ERBB4: variants seen among roughly 807,000 people sequenced by gnomAD.
The protein encoded by ERBB4 is receptor tyrosine-protein kinase erbB-4.
ERBB4 carries 42 observed loss-of-function variants against 158.0 expected under a neutral mutation model. That is an observed-to-expected ratio of 0.27 (90% CI 0.21 to 0.34). ERBB4 has a LOEUF of 0.34. Among genes scored for constraint, ERBB4 ranks in the 10% least tolerant of loss-of-function variants. The pLI, the probability that ERBB4 is intolerant of heterozygous loss-of-function variation, is 1.00. For missense variants in ERBB4, 1,333 were observed against 1,624.1 expected (o/e 0.82, Z 3.08); for synonymous variants, 583 against 558.7 (o/e 1.04, Z -0.61).
At chr2:212,367,315 C>A (rs953377771) in intron 1 of ERBB4, among the ~76,000 whole-genome samples, 4 of 151,936 alleles carry the variant, frequency 2.6e-5, no homozygotes, top group Admixed American at 6.6e-5. Flanking sequence ...GGTGTCCAAG[C>A]AAACAAAAAC....
intron 20 of ERBB4, among the ~76,000 whole-genome samples, chr2:211,466,394 ATGAGT>A (rs1356238143): frequency 6.7e-6 from 1 of 150,122 alleles, no homozygotes; most frequent in Admixed American, 6.6e-5. Flanking sequence ...TGAAATATGA[ATGAGT>A]TATCTTTTCC....
chr2:211,794,471 A>G (rs919907752), intron 3 of ERBB4, among the ~76,000 whole-genome samples: 9 of 151,994 alleles, frequency 5.9e-5, no homozygotes, highest in African/African-American at 2.2e-4. Context: ...AGTGCCAAAG[A>G]AAGTGTCAAG....
intron 20 of ERBB4, among the ~76,000 whole-genome samples, chr2:211,466,414 T>C (rs1453797996): frequency 2.0e-5 from 3 of 151,636 alleles, no homozygotes; most frequent in African/African-American, 7.3e-5. Flanking sequence ...TTTTCCAAAT[T>C]TGTAGTTAAC....
Position 212,388,061 on chromosome 2 carries a change from GA to G in ERBB4, c.82+150387del, listed in dbSNP as rs2090736787. On this transcript the variant is annotated intron_variant, in intron 1 of 27. Transcript: ENST00000342788. Reference sequence around the variant, plus strand: ...ATACCTTCTTGAATATGCCGTTAGAGAGAATATAATGCTTCTATATAGATCC... The same window carrying G: ...ATACCTTCTTGAATATGCCGTTAGAGGAATATAATGCTTCTATATAGATCC... 7.2e-5 allele frequency among the ~76,000 whole-genome samples: 11 copies of G among 152,168 alleles called. No individual in the cohort carries two copies. The South Asian group carries it at 2.3e-3, about 32-fold the overall frequency.
At chr2:211,547,417 C>A (rs2066972020) in intron 20 of ERBB4, among the ~76,000 whole-genome samples, 1 of 152,030 alleles carries the variant, frequency 6.6e-6, no homozygotes, top group East Asian at 1.9e-4. Context: ...AAAGGCAAAT[C>A]TTATCTCCAG....
chr2:212,424,742 T>C (rs1482251931), intron 1 of ERBB4, among the ~76,000 whole-genome samples: 1 of 152,114 alleles, frequency 6.6e-6, no homozygotes, highest in Non-Finnish European at 1.5e-5. Flanking sequence ...TGTTTGTTTT[T>C]GGTGTAGAAG....
intron 2 of ERBB4, among the ~76,000 whole-genome samples, chr2:212,069,324 T>C (rs762136635): frequency 2.6e-5 from 4 of 151,952 alleles, no homozygotes; most frequent in Admixed American, 6.6e-5. Context: ...AAAATCAATA[T>C]GGTCATCTCA....
chr2:211,968,553 T>C (rs1430813239), intron 2 of ERBB4, among the ~76,000 whole-genome samples: 1 of 152,068 alleles, frequency 6.6e-6, no homozygotes, highest in Non-Finnish European at 1.5e-5. Flanking sequence ...CAACTATTAT[T>C]TAATCCAATT....
intron 1 of ERBB4, among the ~76,000 whole-genome samples, chr2:212,481,308 A>G (rs1009363061): frequency 3.9e-5 from 6 of 152,156 alleles, no homozygotes; most frequent in Admixed American, 3.3e-4. Context: ...CTTTTAATGC[A>G]TTAGTATGTT....
At chr2:211,934,222 A>C (rs180744777) in intron 3 of ERBB4, among the ~76,000 whole-genome samples, 29 of 152,126 alleles carry the variant, frequency 1.9e-4, no homozygotes, top group Admixed American at 1.7e-3. Context: ...GGCAAAAATC[A>C]CTTACTGTAG....
At chr2:212,016,465 A>G (rs1025942239) in intron 2 of ERBB4, among the ~76,000 whole-genome samples, 4 of 152,132 alleles carry the variant, frequency 2.6e-5, no homozygotes, top group African/African-American at 9.7e-5. Flanking sequence ...CATATCTAGC[A>G]GCTTTTATTT....
At chr2:211,795,684 A>C (rs1049774221) in intron 3 of ERBB4, among the ~76,000 whole-genome samples, 7 of 151,864 alleles carry the variant, frequency 4.6e-5, no homozygotes, top group African/African-American at 1.7e-4. Context: ...GGAGAAAATC[A>C]TGAAGGACAA....
At chr2:212,189,082 T>TTGG (rs1491364333) in intron 1 of ERBB4, among the ~76,000 whole-genome samples, 6 of 103,490 alleles carry the variant, frequency 5.8e-5, no homozygotes, top group Non-Finnish European at 9.7e-5. Flanking sequence ...ACTTTTTTTT[T>TTGG]GGGGGGGGGG....
chr2:211,681,367 G>C (rs971460990), intron 12 of ERBB4, among the ~76,000 whole-genome samples: 1 of 152,106 alleles, frequency 6.6e-6, no homozygotes, highest in Non-Finnish European at 1.5e-5. Context: ...TTGTCCTTTA[G>C]ATAAATACCC....
chr2:211,595,166 T>C (rs866837749), intron 19 of ERBB4, among the ~76,000 whole-genome samples: 33 of 152,198 alleles, frequency 2.2e-4, no homozygotes, highest in African/African-American at 8.0e-4. Context: ...TAAATTTTTA[T>C]AGAATAAGGT....
intron 1 of ERBB4, among the ~76,000 whole-genome samples, chr2:212,340,139 G>A (rs1272315561): frequency 6.6e-6 from 1 of 151,578 alleles, no homozygotes; most frequent in African/African-American, 2.4e-5. Context: ...AGGCTCAAGT[G>A]ATCCTCCCAC....
intron 3 of ERBB4, among the ~76,000 whole-genome samples, chr2:211,815,343 A>G (rs1398917065): frequency 2.0e-5 from 3 of 152,246 alleles, no homozygotes; most frequent in Non-Finnish European, 2.9e-5. Context: ...TCATAGGAAT[A>G]ACTTTATAAT....
intron 1 of ERBB4, among the ~76,000 whole-genome samples, chr2:212,338,813 C>G (rs1275609802): frequency 6.6e-6 from 1 of 152,108 alleles, no homozygotes; most frequent in African/African-American, 2.4e-5. Context: ...ATGCTTCAAA[C>G]ATTCATATGG....
At chr2:211,837,533 A>C (rs1230962411) in intron 3 of ERBB4, among the ~76,000 whole-genome samples, 2 of 152,080 alleles carry the variant, frequency 1.3e-5, no homozygotes. Context: ...GGAAATATTA[A>C]GACTTAAAGG....
Sources: gnomAD v4.1 joint callset for allele counts (sites outside exome capture counted in the v4.1 genomes callset) on GRCh38, gnomAD v4.1.1 for gene constraint, MANE v1.5 for transcripts, NCBI Gene and HGNC (gene_info 2026-07-23, HGNC 2026-07-21) for gene names.